Variants in MYO1D observed in about 807,000 individuals in gnomAD.
MYO1D encodes the protein myosin ID, also known as unconventional myosin-Id.
Under a neutral mutation model 122.0 loss-of-function variants are expected in MYO1D, and 83 were observed. The observed-to-expected ratio is 0.68, with a 90% confidence interval of 0.57 to 0.82. The LOEUF is 0.82. MYO1D is among the 40% of genes least tolerant of loss of function. The pLI is 0.00. For missense variants in MYO1D, 1,157 were observed against 1,269.5 expected (o/e 0.91, Z 1.35); for synonymous variants, 464 against 446.9 (o/e 1.04, Z -0.48).
chr17:32,832,382 G>T (rs1161800852), intron 1 of MYO1D, among the ~76,000 whole-genome samples: 2 of 150,940 alleles, frequency 1.3e-5, no homozygotes, highest in Non-Finnish European at 2.9e-5. Flanking sequence ...CTCACTGCAA[G>T]CTCCACCTCC....
At chr17:32,664,618 C>A (rs368138243) in intron 16 of MYO1D, among the ~76,000 whole-genome samples, 8 of 151,980 alleles carry the variant, frequency 5.3e-5, no homozygotes, top group African/African-American at 1.9e-4. Context: ...CTGGGACCTG[C>A]GAGGTGAAGT....
At chr17:32,519,563 C>A (rs1910035935) in intron 21 of MYO1D, among the ~76,000 whole-genome samples, 1 of 151,866 alleles carries the variant, frequency 6.6e-6, no homozygotes. Flanking sequence ...AACGAAGCCG[C>A]TGCCCGAGCC....
At chr17:32,539,558 G>A (rs1486071480) in intron 21 of MYO1D, among the ~76,000 whole-genome samples, 2 of 152,066 alleles carry the variant, frequency 1.3e-5, no homozygotes, top group African/African-American at 2.4e-5. Flanking sequence ...GCTTCGGGTG[G>A]CTGCCAGCAC....
chr17:32,724,677 G>C (rs2089552094), intron 14 of MYO1D, among the ~76,000 whole-genome samples: 1 of 152,056 alleles, frequency 6.6e-6, no homozygotes, highest in African/African-American at 2.4e-5. Flanking sequence ...AAAAGGAGGG[G>C]ACACAGGTAA....
intron 6 of MYO1D, 71 bp from the exon 7 acceptor site, chr17:32,767,823 C>T (rs2090074429): frequency 2.7e-6 from 3 of 1,103,942 alleles, no homozygotes; most frequent in South Asian, 1.3e-5. Context: ...AATTATAAAA[C>T]TAAGTTATAC....
intron 17 of MYO1D, among the ~76,000 whole-genome samples, chr17:32,656,497 C>A (rs1369297283): frequency 2.0e-5 from 3 of 152,122 alleles, no homozygotes; most frequent in Admixed American, 6.6e-5. Flanking sequence ...GTAGCAAGGG[C>A]AGGAGATGAA....
chr17:32,501,728 T>C (rs1034155398), intron 21 of MYO1D, among the ~76,000 whole-genome samples: 3 of 152,242 alleles, frequency 2.0e-5, no homozygotes, highest in Admixed American at 2.0e-4. Context: ...CTTCCACACC[T>C]TGCCCTGTCT....
intron 15 of MYO1D, among the ~76,000 whole-genome samples, chr17:32,720,133 G>A (rs570324626): frequency 1.8e-4 from 28 of 152,050 alleles, no homozygotes; most frequent in Admixed American, 1.0e-3. Flanking sequence ...AACTATAGTC[G>A]AGATTATAGA....
intron 6 of MYO1D, among the ~76,000 whole-genome samples, chr17:32,770,783 A>G (rs1280411581): frequency 6.6e-6 from 1 of 152,204 alleles, no homozygotes; most frequent in Non-Finnish European, 1.5e-5. Flanking sequence ...GCCAAATCAT[A>G]TGGAATCTTC....
At chr17:32,550,557 A>G (rs2087003911) in intron 21 of MYO1D, among the ~76,000 whole-genome samples, 1 of 152,244 alleles carries the variant, frequency 6.6e-6, no homozygotes, top group South Asian at 2.1e-4. Context: ...AATACCACAC[A>G]TTAAAAATGA....
At chr17:32,784,822 T>C (rs761244448) in intron 1 of MYO1D, among the ~76,000 whole-genome samples, 4 of 151,994 alleles carry the variant, frequency 2.6e-5, no homozygotes, top group Non-Finnish European at 5.9e-5. Flanking sequence ...AGGAAGATAC[T>C]GTGGGGAGGG....
intron 20 of MYO1D, among the ~76,000 whole-genome samples, chr17:32,637,729 A>G (rs935375544): frequency 3.3e-5 from 5 of 152,076 alleles, no homozygotes; most frequent in African/African-American, 9.7e-5. Context: ...GTTGCAATCT[A>G]TTGGCCTTTC....
intron 21 of MYO1D, chr17:32,602,852 A>G (rs73278277): frequency 4.0e-4 from 61 of 152,348 alleles, no homozygotes; most frequent in African/African-American, 1.4e-3. Flanking sequence ...ATAAAATACA[A>G]TGTGAATTTC....
chr17:32,537,345 T>C (rs1358073234), intron 21 of MYO1D, among the ~76,000 whole-genome samples: 2 of 152,200 alleles, frequency 1.3e-5, no homozygotes, highest in African/African-American at 4.8e-5. Flanking sequence ...GCCATGTCCA[T>C]TCATTTCCAT....
At chr17:32,747,801 GACTC>G (rs2089853227) in intron 12 of MYO1D, among the ~76,000 whole-genome samples, 1 of 151,378 alleles carries the variant, frequency 6.6e-6, no homozygotes, top group South Asian at 2.1e-4. Flanking sequence ...CGCACCACTG[GACTC>G]CAGCCTGGGT....
chr17:32,657,580 G>C (rs888027768), intron 17 of MYO1D, among the ~76,000 whole-genome samples: 6 of 152,248 alleles, frequency 3.9e-5, no homozygotes. Flanking sequence ...GAGTGTGCTT[G>C]TGTGCACGCA....
At chr17:32,828,580 G>A (rs993147768) in intron 1 of MYO1D, among the ~76,000 whole-genome samples, 6 of 150,462 alleles carry the variant, frequency 4.0e-5, no homozygotes, top group Non-Finnish European at 5.9e-5. Flanking sequence ...AATGAGTCAA[G>A]CAGAGAATGA....
chr17:32,710,614 G>A lies in MYO1D; in HGVS notation c.2121+1374C>T, dbSNP rs112878375. Among the ~76,000 whole-genome samples the A allele has an allele frequency of 1.2e-4, 18 of 152,106 alleles. No individual in the cohort carries two copies. In the East Asian group the frequency reaches 3.1e-3, roughly 26 times the overall value. ...TTGATTATGTCAAAATTAAGAATTC[G>A]GTCCACAAAGCATCTTATGGATAAA... On this transcript the variant is annotated intron_variant, in intron 16 of 21. Coordinates refer to ENST00000318217, the MANE Select transcript of MYO1D (RefSeq NM_015194.3).
chr17:32,689,837 GC>G lies in MYO1D; in HGVS notation c.2121+22150del, dbSNP rs574867139. Among the ~76,000 whole-genome samples the G allele has an allele frequency of 9.2e-5, 14 of 151,962 alleles. No individual in the cohort carries two copies. The South Asian group carries it at 2.5e-3, about 27-fold the overall frequency. Reference sequence around the variant, plus strand: ...GGGTTCAAGCAATTCTCCTGCCTCAGCCTCCCGAGTAGCTGGGATTACATGT... The same window carrying G: ...GGGTTCAAGCAATTCTCCTGCCTCAGCTCCCGAGTAGCTGGGATTACATGT... On this transcript the variant is annotated intron_variant, in intron 16 of 21. Coordinates refer to ENST00000318217, the MANE Select transcript of MYO1D (RefSeq NM_015194.3).
Sources: gnomAD v4.1 joint callset for allele counts (sites outside exome capture counted in the v4.1 genomes callset) on GRCh38, gnomAD v4.1.1 for gene constraint, MANE v1.5 for transcripts, NCBI Gene and HGNC (gene_info 2026-07-23, HGNC 2026-07-21) for gene names.